The following TRPC4 variants were observed in gnomAD, a reference collection of about 807,000 sequenced individuals.
TRPC4 encodes the protein short transient receptor potential channel 4.
TRPC4 carries 49 observed loss-of-function variants against 99.4 expected under a neutral mutation model. The observed-to-expected ratio is 0.49, with a 90% CI of 0.39 to 0.63. The LOEUF (loss-of-function observed/expected upper bound fraction) is 0.63, where lower values mean the gene tolerates loss of function less well. TRPC4 is among the 20% of genes least tolerant of loss of function. The pLI, the probability that TRPC4 is intolerant of heterozygous loss-of-function variation, is 0.00. For missense variants in TRPC4, 898 were observed against 1,152.9 expected (o/e 0.78, Z 3.20); for synonymous variants, 454 against 425.9 (o/e 1.07, Z -0.81).
intron 1 of TRPC4, among the ~76,000 whole-genome samples, chr13:37,803,497 A>G (rs980356185): frequency 2.6e-5 from 4 of 152,124 alleles, no homozygotes; most frequent in African/African-American, 4.8e-5. Context: ...CTATCACTAC[A>G]GGGTGAAGAG....
At chr13:37,672,445 G>A (rs955883755) in intron 5 of TRPC4, among the ~76,000 whole-genome samples, 2 of 152,162 alleles carry the variant, frequency 1.3e-5, no homozygotes, top group Non-Finnish European at 2.9e-5. Flanking sequence ...TGTTAGAAAT[G>A]CAAATTTGGA....
chr13:37,731,255 C>T (rs1955231245), intron 3 of TRPC4, among the ~76,000 whole-genome samples: 1 of 152,002 alleles, frequency 6.6e-6, no homozygotes, highest in Non-Finnish European at 1.5e-5. Context: ...CTTACATATT[C>T]ATTCATTGTC....
Position 37,765,803 on chromosome 13 carries a change from G to A in TRPC4, c.378+17153C>T, listed in dbSNP as rs950766568. The stretch of plus-strand genomic sequence containing the variant: ...GTCTTTTGCTGATTTATTGTTCAGT[G>A]TTAAATAGAATTATTTTGATTAATT... On this transcript the variant is annotated intron_variant, in intron 2 of 10. Transcript: ENST00000379705. Among the ~76,000 whole-genome samples the A allele has an allele frequency of 2.0e-5, 3 of 151,314 alleles. No individual in the cohort carries two copies. The East Asian group carries it at 5.8e-4, about 29-fold the overall frequency.
At chr13:37,685,520 C>T (rs1953438051) in intron 4 of TRPC4, among the ~76,000 whole-genome samples, 2 of 152,084 alleles carry the variant, frequency 1.3e-5, no homozygotes, top group South Asian at 4.1e-4. Context: ...AGCACAGTGC[C>T]TAATTTTTTC....
At chr13:37,847,212 A>G (rs1229150769) in intron 1 of TRPC4, among the ~76,000 whole-genome samples, 1 of 152,078 alleles carries the variant, frequency 6.6e-6, no homozygotes, top group Non-Finnish European at 1.5e-5. Flanking sequence ...TATCTACAAT[A>G]TTCTACTCAA....
intron 3 of TRPC4, among the ~76,000 whole-genome samples, chr13:37,696,123 T>C (rs1953895146): frequency 6.6e-6 from 1 of 152,188 alleles, no homozygotes; most frequent in South Asian, 2.1e-4. Flanking sequence ...TCTCACATGA[T>C]GGCAGACAAA....
At chr13:37,707,031 A>T (rs954412657) in intron 3 of TRPC4, among the ~76,000 whole-genome samples, 1 of 152,118 alleles carries the variant, frequency 6.6e-6, no homozygotes, top group Non-Finnish European at 1.5e-5. Flanking sequence ...TGAAGTTTCT[A>T]AAAAAAGGAC....
intron 2 of TRPC4, among the ~76,000 whole-genome samples, chr13:37,762,140 T>C (rs1956239495): frequency 1.3e-5 from 2 of 151,874 alleles, no homozygotes; most frequent in African/African-American, 4.8e-5. Flanking sequence ...GATTGTTTAG[T>C]TGACAGACTT....
intron 1 of TRPC4, among the ~76,000 whole-genome samples, chr13:37,808,482 T>C (rs1593790370): frequency 6.6e-6 from 1 of 151,890 alleles, no homozygotes; most frequent in African/African-American, 2.4e-5. Flanking sequence ...ACCACCCAGC[T>C]CCCCCTTCCA....
At chr13:37,733,423 G>C (rs1955299568) in intron 3 of TRPC4, among the ~76,000 whole-genome samples, 1 of 152,172 alleles carries the variant, frequency 6.6e-6, no homozygotes, top group Non-Finnish European at 1.5e-5. Flanking sequence ...AGCTTTTGGA[G>C]ATGATGGATA....
intron 8 of TRPC4, among the ~76,000 whole-genome samples, chr13:37,643,196 G>T (rs1388242476): frequency 6.6e-6 from 1 of 152,084 alleles, no homozygotes; most frequent in African/African-American, 2.4e-5. Context: ...TTGTCTCAAG[G>T]CTCCATTTTG....
intron 4 of TRPC4, among the ~76,000 whole-genome samples, chr13:37,683,102 A>G (rs983708712): frequency 2.0e-5 from 3 of 151,962 alleles, no homozygotes; most frequent in African/African-American, 4.8e-5. Flanking sequence ...GAATACCAGA[A>G]GGACAGGTAA....
At chr13:37,834,973 G>T (rs1434623619) in intron 1 of TRPC4, among the ~76,000 whole-genome samples, 3 of 152,026 alleles carry the variant, frequency 2.0e-5, no homozygotes, top group African/African-American at 2.4e-5. Flanking sequence ...GGCCTCAAGT[G>T]ATCTGCCTGT....
chr13:37,843,794 C>A (rs893776309), intron 1 of TRPC4, among the ~76,000 whole-genome samples: 4 of 152,124 alleles, frequency 2.6e-5, no homozygotes, highest in Non-Finnish European at 5.9e-5. Flanking sequence ...CTACCTACCA[C>A]AGAAATCTAA....
intron 2 of TRPC4, among the ~76,000 whole-genome samples, chr13:37,763,873 C>T (rs951292136): frequency 3.3e-5 from 5 of 151,434 alleles, no homozygotes; most frequent in African/African-American, 7.3e-5. Flanking sequence ...AATGATAACA[C>T]CGAATCCAAG....
chr13:37,763,806 G>A (rs572965955), intron 2 of TRPC4, among the ~76,000 whole-genome samples: 49 of 151,826 alleles, frequency 3.2e-4, no homozygotes, highest in African/African-American at 1.1e-3. Context: ...TGGAGTATGC[G>A]TGGGTGCTAG....
Position 37,748,776 on chromosome 13 carries a change from A to AT in TRPC4, c.379-2322dup, listed in dbSNP as rs1011984643. On this transcript the variant is annotated intron_variant, in intron 2 of 10. Coordinates refer to ENST00000379705, the MANE Select transcript of TRPC4 (RefSeq NM_016179.4). ...AGTATATCCATACTGAATAGCATAC[A>AT]TTTTTTTCAAAAAATAACAGTGTAA... 8.6e-5 allele frequency among the ~76,000 whole-genome samples: 13 copies of AT among 151,534 alleles called. No individual in the cohort carries two copies. In the East Asian group the frequency reaches 1.2e-3, roughly 14 times the overall value.
chr13:37,784,383 C>T (rs534105543), intron 1 of TRPC4, among the ~76,000 whole-genome samples: 1 of 152,052 alleles, frequency 6.6e-6, no homozygotes, highest in South Asian at 2.1e-4. Context: ...AATGAAAGCT[C>T]ATCTTACAAT....
intron 1 of TRPC4, among the ~76,000 whole-genome samples, chr13:37,838,900 C>T (rs371635544): frequency 6.6e-6 from 1 of 152,014 alleles, no homozygotes; most frequent in East Asian, 1.9e-4. Flanking sequence ...GAAAAGTTCC[C>T]CATTTACAGA....
Sources: gnomAD v4.1 joint callset for allele counts (sites outside exome capture counted in the v4.1 genomes callset) on GRCh38, gnomAD v4.1.1 for gene constraint, MANE v1.5 for transcripts, NCBI Gene and HGNC (gene_info 2026-07-23, HGNC 2026-07-21) for gene names.